Variants in AFDN observed in about 807,000 individuals in gnomAD.
AFDN encodes afadin, adherens junction formation factor.
Under a neutral mutation model 216.6 loss-of-function variants are expected in AFDN, and 68 were observed. The observed-to-expected ratio is 0.31, with a 90% confidence interval of 0.26 to 0.38. The LOEUF is 0.38. Among genes scored for constraint, AFDN ranks in the 10% least tolerant of loss-of-function variants. AFDN has a pLI of 1.00. For synonymous variants in AFDN, 868 were observed against 853.7 expected, an observed-to-expected ratio of 1.02 and a Z score of -0.29; for missense variants, 2,136 against 2,342.0, an observed-to-expected ratio of 0.91 and a Z score of 1.82.
At position 167,828,428 on chromosome 6, in the gene AFDN, C is replaced by T. The variant is rs532136429; in HGVS notation, c.105+1191C>T. ...GTTTTCATCTGTACCTGTGACTGCA[C>T]TTGACGTGGGTAGCTAGCCATTTGT... On this transcript the variant is annotated intron_variant, in intron 1 of 33. Coordinates refer to ENST00000683244, the MANE Select transcript of AFDN (RefSeq NM_001386888.1). Among the ~76,000 whole-genome samples, 11 of 152,312 alleles carry T rather than the reference C, an allele frequency of 7.2e-5. No individual in the cohort carries two copies. The South Asian group carries it at 2.3e-3, about 32-fold the overall frequency.
intron 30 of AFDN, among the ~76,000 whole-genome samples, chr6:167,958,307 C>G (rs1796715924): frequency 6.6e-6 from 1 of 152,194 alleles, no homozygotes; most frequent in African/African-American, 2.4e-5. Context: ...TGAAACACTT[C>G]TGGTTCCAAG....
intron 31 of AFDN, chr6:167,964,270 G>C (rs1797316820): frequency 9.4e-7 from 1 of 1,063,674 alleles, no homozygotes. Flanking sequence ...TCATTTGTTG[G>C]GTAGAATAAA....
chr6:167,849,280 A>T (rs1038494530), intron 1 of AFDN, among the ~76,000 whole-genome samples: 2 of 151,840 alleles, frequency 1.3e-5, no homozygotes, highest in Admixed American at 1.3e-4. Context: ...CCTTGATTTT[A>T]TATGTTTATC....
chr6:167,860,770 G>A (rs764059608), intron 1 of AFDN, among the ~76,000 whole-genome samples: 1 of 152,288 alleles, frequency 6.6e-6, no homozygotes, highest in East Asian at 1.9e-4. Context: ...ACTGTGTGGG[G>A]CGTGAGCTGC....
At chr6:167,842,076 A>G (rs749789968) in intron 1 of AFDN, among the ~76,000 whole-genome samples, 8 of 151,858 alleles carry the variant, frequency 5.3e-5, no homozygotes, top group Non-Finnish European at 1.0e-4. Context: ...TTTCTACTCC[A>G]ACTTACTGCA....
chr6:167,827,011 A>G lies in AFDN; in HGVS notation c.-122A>G, dbSNP rs1364775649. The G allele has an allele frequency of 7.8e-5, 19 of 242,158 alleles. No individual in the cohort carries two copies. Among genetic ancestry groups the G allele is most frequent in the East Asian group, 3.6e-4 (2 of 5,530 alleles). The allele number at this position is 242,158 out of a possible 1,614,324, so 15.0% of individuals were successfully genotyped here. A position where few individuals can be genotyped will look rare whatever the true frequency, so the allele number is the denominator to read the frequency against. On this transcript the variant is annotated 5_prime_UTR_variant, in exon 1 of 34. Coordinates refer to ENST00000683244, the MANE Select transcript of AFDN (RefSeq NM_001386888.1). ...GCGGCGCGGCCGCGGAGGCGGAGGCAGCCGCGGAGGCGGAGGCGGCCGGCG... is the reference window on the plus strand; with the variant it reads ...GCGGCGCGGCCGCGGAGGCGGAGGCGGCCGCGGAGGCGGAGGCGGCCGGCG...
At chr6:167,902,534 A>G in intron 12 of AFDN, 148 bp downstream of exon 12, 1 of 585,296 alleles carries the variant, frequency 1.7e-6, no homozygotes. Context: ...AATAGTACAG[A>G]GCCCTATGGA....
rs1469688288 is a variant in AFDN at position 167,969,784 on chromosome 6, A to G, written c.5345A>G (p.Gln1782Arg). The change falls in exon 34 of 34, where the codon CAA becomes CGA. Residue 1782 changes from glutamine (Q) to arginine (R), a missense_variant and splice_region_variant. Gln to Arg is a conservative substitution (Grantham distance 43). Transcript: ENST00000683244. Reference protein sequence around the residue: ...RDAKEKRSKSQDADSPGSSGA... With the variant: ...RDAKEKRSKSRDADSPGSSGA... ...TTTGATATTGCCCTCTTCTGCAGCC[A>G]AGATGCAGATTCACCTGGAAGTTCT... The G allele has an allele frequency of 6.2e-7, 1 of 1,606,614 alleles. No individual in the cohort carries two copies. The highest frequency in any genetic ancestry group is 1.7e-5 in the Admixed American group (1 of 57,828).
At chr6:167,920,127 G>C (rs1331986607) in intron 21 of AFDN, among the ~76,000 whole-genome samples, 2 of 152,196 alleles carry the variant, frequency 1.3e-5, no homozygotes, top group African/African-American at 2.4e-5. Flanking sequence ...GCCAAGGTGA[G>C]ATGAGGCTGG....
intron 1 of AFDN, among the ~76,000 whole-genome samples, chr6:167,862,618 G>T (rs754596000): frequency 1.3e-5 from 2 of 152,148 alleles, no homozygotes; most frequent in Non-Finnish European, 2.9e-5. Context: ...CAGGTGATCC[G>T]CCCACCTCGG....
rs775482357 is a variant in AFDN at position 167,951,903 on chromosome 6, A to T, written c.4549A>T (p.Ser1517Cys). ...CAAAGAGGAGCTTTCCTCGGGGGAC[A>T]GTCTGTCCCCCGACCCGTGGAAGCG... ...VSKEELSSGD[S>C]LSPDPWKRDA... is the part of the protein sequence containing the mutation. Residue 1517 changes from serine to cysteine, a missense_variant, in exon 30 of 34, where the codon AGT (serine) becomes TGT (cysteine). Ser to Cys is a moderately radical substitution (Grantham distance 112). This residue lies in a region of AFDN where 981 missense variants were observed against 966.0 expected (regional missense o/e 1.02). Coordinates refer to ENST00000683244, the MANE Select transcript of AFDN (RefSeq NM_001386888.1). This position sits in a 1 kb window ranked among gnomAD's most constrained non-coding sequence, Gnocchi z 7.1. The T allele has an allele frequency of 6.2e-7, 1 of 1,613,922 alleles. No individual in the cohort carries two copies. The highest frequency in any genetic ancestry group is 8.5e-7 in the Non-Finnish European group (1 of 1,179,900).
chr6:167,920,777 C>A (rs1343305047), intron 21 of AFDN, among the ~76,000 whole-genome samples: 4 of 152,140 alleles, frequency 2.6e-5, no homozygotes, highest in Non-Finnish European at 5.9e-5. Flanking sequence ...TTACCGTTGT[C>A]GGTACTCTAC....
chr6:167,849,073 G>T (rs914829938), intron 1 of AFDN, among the ~76,000 whole-genome samples: 10 of 152,130 alleles, frequency 6.6e-5, no homozygotes, highest in African/African-American at 2.4e-4. Context: ...CCACTTACTT[G>T]ATCTTCCTTA....
chr6:167,878,595 C>CT (rs1362107931), intron 5 of AFDN, among the ~76,000 whole-genome samples: 5 of 140,848 alleles, frequency 3.5e-5, no homozygotes, highest in African/African-American at 1.3e-4. Context: ...CACTCTCTCT[C>CT]TCTCTCTCTC....
At chr6:167,895,686 C>A (rs556049992) in intron 9 of AFDN, among the ~76,000 whole-genome samples, 1 of 152,224 alleles carries the variant, frequency 6.6e-6, no homozygotes, top group Middle Eastern at 3.4e-3. Context: ...TTAGCGGTAC[C>A]ACTGCTGAGA....
At chr6:167,885,536 C>T (rs933510098) in intron 6 of AFDN, among the ~76,000 whole-genome samples, 16 of 152,202 alleles carry the variant, frequency 1.1e-4, no homozygotes, top group African/African-American at 3.6e-4. Flanking sequence ...ATTCAGAACA[C>T]ACACACTTAT....
chr6:167,969,627 AT>A (rs1465577861), intron 33 of AFDN, among the ~76,000 whole-genome samples, 154 bp from the exon 34 acceptor site: 1 of 152,222 alleles, frequency 6.6e-6, no homozygotes, highest in Non-Finnish European at 1.5e-5. Flanking sequence ...ATGGGTTTAA[AT>A]ACAGCCCCTG....
At chr6:167,960,444 A>G (rs1248523342) in intron 30 of AFDN, among the ~76,000 whole-genome samples, 2 of 152,244 alleles carry the variant, frequency 1.3e-5, no homozygotes, top group African/African-American at 2.4e-5. Flanking sequence ...GTTTAAAAGA[A>G]CTAATTGGTC....
At chr6:167,915,096 T>C in intron 18 of AFDN, 72 bp from the exon 19 acceptor site, 2 of 1,505,412 alleles carry the variant, frequency 1.3e-6, no homozygotes, top group Admixed American at 1.8e-5. Context: ...ATTATCTAAA[T>C]CTGCTGCACA....
Sources: gnomAD v4.1 joint callset for allele counts (sites outside exome capture counted in the v4.1 genomes callset) on GRCh38, gnomAD v4.1.1 for gene constraint, gnomAD v4.1.1 regional missense constraint, Gnocchi (gnomAD v3.1) non-coding constraint, MANE v1.5 for transcripts, NCBI Gene and HGNC (gene_info 2026-07-23, HGNC 2026-07-21) for gene names.